Variants in EPS15 observed in about 807,000 individuals in gnomAD.
EPS15 encodes epidermal growth factor receptor substrate 15.
In EPS15, 72 loss-of-function variants were observed where a neutral mutation model predicts 113.8. The ratio of observed to expected loss-of-function variants is 0.63; its 90% confidence interval spans 0.52 to 0.77. The LOEUF is 0.77. Ranked by LOEUF, EPS15 falls within the 30% of genes least tolerant of loss-of-function variation. EPS15 has a pLI of 0.00. For synonymous variants in EPS15, 344 were observed against 363.4 expected (o/e 0.95, Z 0.61); for missense variants, 1,048 against 1,045.8 (o/e 1.00, Z -0.03).
At chr1:51,436,072 ACTGAACACTC>A (rs1259458201) in intron 12 of EPS15, among the ~76,000 whole-genome samples, 2 of 152,236 alleles carry the variant, frequency 1.3e-5, no homozygotes, top group African/African-American at 4.8e-5. Context: ...CGAGTACTGT[ACTGAACACTC>A]AGAGTACAAA....
chr1:51,472,400 A>G (rs555304746), intron 3 of EPS15, among the ~76,000 whole-genome samples: 59 of 152,322 alleles, frequency 3.9e-4, no homozygotes, highest in Middle Eastern at 6.8e-3. Flanking sequence ...ATTATTTTTC[A>G]GGATTCTGAA....
At chr1:51,436,745 A>G (rs1652181176) in intron 12 of EPS15, among the ~76,000 whole-genome samples, 1 of 152,198 alleles carries the variant, frequency 6.6e-6, no homozygotes, top group South Asian at 2.1e-4. Flanking sequence ...AATCAATTCA[A>G]CAGACATTTC....
intron 1 of EPS15, among the ~76,000 whole-genome samples, chr1:51,516,565 G>A (rs1420968173): frequency 1.3e-5 from 2 of 152,128 alleles, no homozygotes; most frequent in East Asian, 1.9e-4. Context: ...TGGTGGCTGG[G>A]GAGTTGAAGG....
intron 14 of EPS15, among the ~76,000 whole-genome samples, chr1:51,408,797 A>ATTTTT (rs34612487): frequency 1.8e-5 from 2 of 109,600 alleles, no homozygotes; most frequent in Non-Finnish European, 1.9e-5. Context: ...CTGGCTTTCA[A>ATTTTT]TTTTTTTTTT....
rs745788324 is a variant in EPS15, at chr1:51,402,389, GTC to G, written c.1882+44_1882+45del. On this transcript the variant is annotated intron_variant, in intron 18 of 24. Transcript: ENST00000371733. ...GAATCCTTAGTTTATATATTAAAAA[GTC>G]TTTTTTTTGGGTAAATCTATAATAT... The G allele has an allele frequency of 5.3e-5, 54 of 1,022,044 alleles. No individual in the cohort carries two copies. The Admixed American group carries it at 1.2e-3, about 23-fold the overall frequency. The allele number at this position is 1,022,044 out of a possible 1,614,324, so 63.3% of individuals were successfully genotyped here.
At chr1:51,400,575 T>C (rs1199495557) in intron 19 of EPS15, among the ~76,000 whole-genome samples, 3 of 151,584 alleles carry the variant, frequency 2.0e-5, no homozygotes, top group African/African-American at 7.3e-5. Flanking sequence ...CATGAGCCTG[T>C]AGACCTAGGT....
chr1:51,487,454 T>C (rs1301807983), intron 1 of EPS15, among the ~76,000 whole-genome samples: 1 of 152,124 alleles, frequency 6.6e-6, no homozygotes, highest in Non-Finnish European at 1.5e-5. Context: ...ATTCCAAAAA[T>C]ATATAGAATT....
chr1:51,413,934 G>A (rs1349779171), intron 13 of EPS15, among the ~76,000 whole-genome samples: 1 of 152,000 alleles, frequency 6.6e-6, no homozygotes, highest in African/African-American at 2.4e-5. Context: ...TTTTTTTGTA[G>A]AGATGGGGTT....
intron 1 of EPS15, among the ~76,000 whole-genome samples, chr1:51,515,232 C>G (rs1384279623): frequency 1.3e-5 from 2 of 151,366 alleles, no homozygotes; most frequent in Non-Finnish European, 2.9e-5. Flanking sequence ...AAATTAAGTC[C>G]CTACTTAAGG....
rs1012017495 is a variant in EPS15 at position 51,354,466 on chromosome 1, A to G, written c.*2234T>C. 1.8e-4 allele frequency: 32 copies of G among 181,662 alleles called. No homozygotes were observed. Among genetic ancestry groups the G allele is most frequent in the Admixed American group, 1.4e-3 (22 of 15,974 alleles). The allele number at this position is 181,662 out of a possible 1,614,324, so 11.3% of individuals were successfully genotyped here. ...TAAAGTTTACTGTTCTCATAATTACAGGCTACAACTTAGAGGTTTGAAACT... is the reference window on the plus strand; with the variant it reads ...TAAAGTTTACTGTTCTCATAATTACGGGCTACAACTTAGAGGTTTGAAACT... On this transcript the variant is annotated 3_prime_UTR_variant, in exon 25 of 25. Transcript: ENST00000371733.
At chr1:51,377,640 A>G (rs1557779430) in intron 21 of EPS15, among the ~76,000 whole-genome samples, 1 of 152,224 alleles carries the variant, frequency 6.6e-6, no homozygotes, top group Non-Finnish European at 1.5e-5. Context: ...AGGATCTAAA[A>G]GGACGGATAC....
chr1:51,519,131 C>G, intron 1 of EPS15, 68 bp downstream of exon 1: 1 of 1,151,292 alleles, frequency 8.7e-7, no homozygotes, highest in Non-Finnish European at 1.2e-6. Context: ...AAGAAGTCGG[C>G]GAAGCTGAGG....
intron 7 of EPS15, chr1:51,463,374 A>C: frequency 5.2e-6 from 1 of 191,644 alleles, no homozygotes; most frequent in Non-Finnish European, 1.1e-5. Flanking sequence ...GATGGTCTCT[A>C]GAAATTAACT....
At chr1:51,504,875 C>A (rs1465526979) in intron 1 of EPS15, among the ~76,000 whole-genome samples, 4 of 152,162 alleles carry the variant, frequency 2.6e-5, no homozygotes, top group Admixed American at 2.0e-4. Flanking sequence ...AATCCCAGTG[C>A]TTTGGGCGGC....
chr1:51,388,299 T>C (rs1441558847), intron 21 of EPS15, among the ~76,000 whole-genome samples: 1 of 152,116 alleles, frequency 6.6e-6, no homozygotes, highest in African/African-American at 2.4e-5. Context: ...CATACCAGAA[T>C]CTCTGGGACA....
At chr1:51,509,223 G>A (rs1009983633) in intron 1 of EPS15, among the ~76,000 whole-genome samples, 1 of 148,956 alleles carries the variant, frequency 6.7e-6, no homozygotes, top group African/African-American at 2.6e-5. Context: ...ATCAATACTG[G>A]AAGCACCTTT....
chr1:51,408,390 A>C, intron 14 of EPS15, 58 bp from the exon 15 acceptor site: 1 of 1,248,926 alleles, frequency 8.0e-7, no homozygotes, highest in Non-Finnish European at 1.2e-6. Context: ...TGTCATTAAA[A>C]TGTTCCAAAA....
chr1:51,420,114 G>A (rs1281478759), intron 13 of EPS15, among the ~76,000 whole-genome samples: 1 of 151,894 alleles, frequency 6.6e-6, no homozygotes, highest in African/African-American at 2.4e-5. Flanking sequence ...GAACCATTTC[G>A]ACTTCCTGTG....
intron 14 of EPS15, 92 bp from the exon 15 acceptor site, chr1:51,408,424 T>C (rs1649346946): frequency 1.1e-6 from 1 of 950,120 alleles, no homozygotes. Flanking sequence ...TTTGTTTAGT[T>C]TACTATTTTG....
Sources: gnomAD v4.1 joint callset for allele counts (sites outside exome capture counted in the v4.1 genomes callset) on GRCh38, gnomAD v4.1.1 for gene constraint, MANE v1.5 for transcripts, NCBI Gene and HGNC (gene_info 2026-07-23, HGNC 2026-07-21) for gene names.